Variants in YY1 observed in about 807,000 individuals in gnomAD.
YY1 encodes the protein transcriptional repressor protein YY1.
In YY1, 2 loss-of-function variants were observed where a neutral mutation model predicts 35.6. The ratio of observed to expected loss-of-function variants is 0.06; its 90% CI spans 0.02 to 0.18. The LOEUF (loss-of-function observed/expected upper bound fraction) is 0.18. Among genes scored for constraint, YY1 ranks in the 10% least tolerant of loss-of-function variants. The pLI is 1.00. For synonymous variants in YY1, 268 were observed against 238.9 expected (o/e 1.12, Z -1.12); for missense variants, 322 against 573.4 (o/e 0.56, Z 4.48).
At position 100,241,982 on chromosome 14, in the gene YY1, G is replaced by T. The variant is rs963516387; in HGVS notation, c.679+2059G>T. ...AGAGCGAGACTCTGTCTCAAAAGGG[G>T]GGGGGGGGCATTTTTTTTTGTTAAT... On this transcript the variant is annotated intron_variant, in intron 1 of 4. Transcript: ENST00000262238. Among the ~76,000 whole-genome samples, 187 of 151,010 alleles carry T rather than the reference G, an allele frequency of 1.2e-3. 2 individuals are homozygous for T. Among genetic ancestry groups the T allele is most frequent in the African/African-American group, 4.4e-3 (181 of 41,198 alleles).
chr14:100,269,969 A>G (rs1439599554), intron 2 of YY1, among the ~76,000 whole-genome samples: 1 of 152,116 alleles, frequency 6.6e-6, no homozygotes, highest in East Asian at 1.9e-4. Context: ...AATATCTTTT[A>G]AAAAATTAAG....
At chr14:100,273,786 A>T (rs372596981) in intron 2 of YY1, among the ~76,000 whole-genome samples, 4 of 152,278 alleles carry the variant, frequency 2.6e-5, no homozygotes, top group African/African-American at 9.6e-5. Flanking sequence ...AGGAACGCTT[A>T]ATTTCTCACC....
intron 1 of YY1, among the ~76,000 whole-genome samples, chr14:100,261,301 G>C (rs1333015361): frequency 6.6e-6 from 1 of 151,954 alleles, no homozygotes; most frequent in East Asian, 1.9e-4. Flanking sequence ...CAATTCTCCT[G>C]CCTCAGCCTC....
At chr14:100,251,356 G>A (rs1890921848) in intron 1 of YY1, among the ~76,000 whole-genome samples, 2 of 152,306 alleles carry the variant, frequency 1.3e-5, no homozygotes, top group South Asian at 4.1e-4. Flanking sequence ...GAATATGTGA[G>A]GGACCAGATT....
At chr14:100,248,037 C>T (rs374896057) in intron 1 of YY1, among the ~76,000 whole-genome samples, 1 of 151,718 alleles carries the variant, frequency 6.6e-6, no homozygotes, top group Non-Finnish European at 1.5e-5. Flanking sequence ...CTCTGCCTCC[C>T]GAGTTCAAAC....
At chr14:100,254,852 A>G (rs968852709) in intron 1 of YY1, among the ~76,000 whole-genome samples, 2 of 147,390 alleles carry the variant, frequency 1.4e-5, no homozygotes, top group African/African-American at 5.0e-5. Context: ...GGCTCACTGC[A>G]ACCTCCGCCT....
intron 1 of YY1, among the ~76,000 whole-genome samples, chr14:100,254,604 C>T (rs1890973466): frequency 1.3e-5 from 2 of 151,974 alleles, no homozygotes; most frequent in Admixed American, 1.3e-4. Flanking sequence ...ATTAAAGGCA[C>T]ACGCCACCAC....
chr14:100,251,187 G>A (rs1890919301), intron 1 of YY1, among the ~76,000 whole-genome samples: 1 of 152,182 alleles, frequency 6.6e-6, no homozygotes, highest in Non-Finnish European at 1.5e-5. Context: ...GAGTATCCTG[G>A]TTTATCCAGG....
At chr14:100,252,330 G>A (rs1890936911) in intron 1 of YY1, among the ~76,000 whole-genome samples, 1 of 152,202 alleles carries the variant, frequency 6.6e-6, no homozygotes, top group Non-Finnish European at 1.5e-5. Flanking sequence ...GAGCAGCTGG[G>A]AGATTGGGAT....
At chr14:100,240,199 C>T (rs1422921467) in intron 1 of YY1, among the ~76,000 whole-genome samples, 1 of 140,406 alleles carries the variant, frequency 7.1e-6, no homozygotes, top group African/African-American at 2.6e-5. Context: ...GGGGCGGAGA[C>T]GGCCGGGGGA....
In YY1 at chr14:100,251,741, C is replaced by T. The variant is rs75317494; in HGVS notation, c.680-10563C>T. On this transcript the variant is annotated intron_variant, in intron 1 of 4. Transcript: ENST00000262238. ...TTATAAGATCAGTGGTATCCTTCCTCCCTCCCTCCCTTTGTCCCTTCCTCC... is the reference window on the plus strand; with the variant it reads ...TTATAAGATCAGTGGTATCCTTCCTTCCTCCCTCCCTTTGTCCCTTCCTCC... Among the ~76,000 whole-genome samples the T allele has an allele frequency of 6.0e-3, 908 of 152,244 alleles. 1 individual carries two copies. The highest frequency in any genetic ancestry group is 9.6e-3 in the Non-Finnish European group (656 of 68,006).
intron 2 of YY1, among the ~76,000 whole-genome samples, chr14:100,267,797 C>T (rs559190990): frequency 1.3e-5 from 2 of 152,364 alleles, no homozygotes; most frequent in South Asian, 4.1e-4. Flanking sequence ...GCTGGGATTA[C>T]AGGCGTGAGC....
In YY1 at chr14:100,239,920, T is replaced by A; in HGVS notation, c.676T>A (p.Ser226Thr). Residue 226 changes from serine to threonine, a missense_variant, in exon 1 of 5, where the codon TCA becomes ACA. Coordinates refer to ENST00000262238, the MANE Select transcript of YY1 (RefSeq NM_003403.5). ...EGEFSVTMWS[S>T]DEKKDIDHET... is the part of the protein sequence containing the mutation. ...CGAGTTCTCGGTCACCATGTGGTCC[T>A]CAGGTGAGCGCCGGCCGCGCGCCCC... 1 of 1,524,796 alleles carries A rather than the reference T, an allele frequency of 6.6e-7. No individual in the cohort carries two copies. The highest frequency in any genetic ancestry group is 8.8e-7 in the Non-Finnish European group (1 of 1,138,176). The allele number at this position is 1,524,796 out of a possible 1,614,324, so 94.5% of individuals were successfully genotyped here. A position where few individuals can be genotyped will look rare whatever the true frequency, so the allele number is the denominator to read the frequency against.
At chr14:100,273,677 T>C (rs1202901405) in intron 2 of YY1, among the ~76,000 whole-genome samples, 4 of 152,130 alleles carry the variant, frequency 2.6e-5, no homozygotes, top group African/African-American at 9.7e-5. Context: ...TTTATTTATT[T>C]ATTAAATATG....
intron 2 of YY1, among the ~76,000 whole-genome samples, chr14:100,267,564 G>A (rs940118976): frequency 1.3e-5 from 2 of 150,876 alleles, no homozygotes; most frequent in Non-Finnish European, 2.9e-5. Context: ...TTGCTCTGTC[G>A]CCAGGCTGGA....
intron 1 of YY1, among the ~76,000 whole-genome samples, chr14:100,245,465 TG>T (rs536042299): frequency 4.8e-4 from 73 of 152,290 alleles, no homozygotes; most frequent in African/African-American, 1.8e-3. Context: ...CTTAATCAAT[TG>T]CTTTAATGCC....
intron 1 of YY1, among the ~76,000 whole-genome samples, chr14:100,249,157 T>G (rs989351185): frequency 7.9e-6 from 1 of 126,578 alleles, no homozygotes. Flanking sequence ...TTTTGCTCTG[T>G]TGCCCAGGCT....
rs186468212 is a variant in YY1, at chr14:100,258,029, G to A, written c.680-4275G>A. Among the ~76,000 whole-genome samples the A allele has an allele frequency of 9.2e-5, 14 of 152,236 alleles. No individual in the cohort carries two copies. In the East Asian group the frequency reaches 2.7e-3, roughly 29 times the overall value. ...CGTCTGTGGTCCCAGCTACATGGGAGGCTGAGGTGGGAGGATTGCTTGAAC... is the reference window on the plus strand; with the variant it reads ...CGTCTGTGGTCCCAGCTACATGGGAAGCTGAGGTGGGAGGATTGCTTGAAC... On this transcript the variant is annotated intron_variant, in intron 1 of 4. Coordinates refer to ENST00000262238, the MANE Select transcript of YY1 (RefSeq NM_003403.5).
chr14:100,271,598 C>G (rs1359076916), intron 2 of YY1, among the ~76,000 whole-genome samples: 1 of 151,826 alleles, frequency 6.6e-6, no homozygotes, highest in African/African-American at 2.4e-5. Flanking sequence ...GGCTAGGACT[C>G]GGGTTTAAAT....
Sources: gnomAD v4.1 joint callset for allele counts (sites outside exome capture counted in the v4.1 genomes callset) on GRCh38, gnomAD v4.1.1 for gene constraint, MANE v1.5 for transcripts, NCBI Gene and HGNC (gene_info 2026-07-23, HGNC 2026-07-21) for gene names.